The following BABAM2 variants were observed in gnomAD, a reference collection of about 807,000 sequenced individuals.
BABAM2 encodes the protein BRISC and BRCA1-A complex member 2.
BABAM2 carries 31 observed loss-of-function variants against 54.7 expected under a neutral mutation model. That is an observed-to-expected ratio of 0.57 (90% CI 0.43 to 0.77). BABAM2 has a LOEUF of 0.77. Among genes scored for constraint, BABAM2 ranks in the 30% least tolerant of loss-of-function variants. The pLI is 0.00. For missense variants in BABAM2, 364 were observed against 455.8 expected (o/e 0.80, Z 1.83); for synonymous variants, 167 against 162.9 (o/e 1.03, Z -0.19).
rs146463877 is a variant in BABAM2, at chr2:28,020,015, A to G, written c.301-5211A>G. 3.6e-3 allele frequency among the ~76,000 whole-genome samples: 541 copies of G among 152,332 alleles called. 3 individuals are homozygous for G. The highest frequency in any genetic ancestry group is 0.012 in the African/African-American group (515 of 41,586). ...AAGAGTTTTGGCTAAGGAAAGCACA[A>G]TAAACTGCTTCAACTGTGACCACTA... is the stretch of plus-strand genomic sequence containing the variant. On this transcript the variant is annotated intron_variant, in intron 4 of 11. Transcript: ENST00000379624.
intron 5 of BABAM2, among the ~76,000 whole-genome samples, chr2:28,026,999 A>G (rs530065322): frequency 8.5e-6 from 1 of 117,520 alleles, no homozygotes; most frequent in Admixed American, 1.1e-4. Context: ...AAAATATATA[A>G]ATATATATAT....
chr2:28,280,035 T>C (rs1456195642), intron 10 of BABAM2, among the ~76,000 whole-genome samples: 1 of 151,876 alleles, frequency 6.6e-6, no homozygotes, highest in African/African-American at 2.4e-5. Flanking sequence ...ACGCATTTGG[T>C]CCTAGTCTCA....
intron 7 of BABAM2, among the ~76,000 whole-genome samples, chr2:28,185,563 G>A (rs751302820): frequency 2.6e-5 from 4 of 152,114 alleles, no homozygotes; most frequent in Non-Finnish European, 4.4e-5. Context: ...CTTTCACTGA[G>A]ACTTTTATCT....
chr2:28,002,943 A>G (rs1264715686), intron 4 of BABAM2, among the ~76,000 whole-genome samples: 1 of 152,198 alleles, frequency 6.6e-6, no homozygotes, highest in Non-Finnish European at 1.5e-5. Context: ...GAGATGCGGA[A>G]AGGAGTAAAC....
intron 10 of BABAM2, among the ~76,000 whole-genome samples, chr2:28,273,225 T>C (rs1685576861): frequency 6.6e-6 from 1 of 152,224 alleles, no homozygotes; most frequent in African/African-American, 2.4e-5. Context: ...TTTCTCCTTC[T>C]TAACCACTTA....
intron 3 of BABAM2, among the ~76,000 whole-genome samples, chr2:27,969,623 A>G (rs984122665): frequency 6.6e-6 from 1 of 152,162 alleles, no homozygotes; most frequent in Non-Finnish European, 1.5e-5. Context: ...AGATGCAGTT[A>G]CTGGAGCTGG....
intron 2 of BABAM2, among the ~76,000 whole-genome samples, chr2:27,907,399 AT>A (rs956255946): frequency 1.3e-5 from 2 of 151,518 alleles, no homozygotes; most frequent in African/African-American, 4.9e-5. Flanking sequence ...CCTCAGAATG[AT>A]TTTTTTTCAT....
intron 2 of BABAM2, among the ~76,000 whole-genome samples, chr2:27,924,409 G>A (rs1667532960): frequency 6.6e-6 from 1 of 151,258 alleles, no homozygotes. Context: ...TTTTTAGGCA[G>A]AGTCTCGCTC....
chr2:28,270,531 G>A (rs1313207094), intron 10 of BABAM2, among the ~76,000 whole-genome samples: 1 of 152,234 alleles, frequency 6.6e-6, no homozygotes, highest in East Asian at 1.9e-4. Context: ...TGGTCTTTAT[G>A]TTTTGGAGAG....
intron 2 of BABAM2, among the ~76,000 whole-genome samples, chr2:27,915,748 C>A (rs889676165): frequency 5.3e-5 from 8 of 152,152 alleles, no homozygotes; most frequent in Non-Finnish European, 1.2e-4. Context: ...ACTTCAGAAT[C>A]TATTAATTCT....
At chr2:27,899,703 G>T (rs1056226958) in intron 2 of BABAM2, among the ~76,000 whole-genome samples, 1 of 152,072 alleles carries the variant, frequency 6.6e-6, no homozygotes, top group African/African-American at 2.4e-5. Flanking sequence ...CTGACCTCAG[G>T]TGATCTACCC....
intron 7 of BABAM2, among the ~76,000 whole-genome samples, chr2:28,166,504 G>T (rs1374463145): frequency 6.6e-6 from 1 of 152,192 alleles, no homozygotes; most frequent in African/African-American, 2.4e-5. Context: ...TCACTTTGGT[G>T]TGTGCCCTGG....
In BABAM2 at chr2:28,139,969, A is replaced by G. The variant is rs571296994; in HGVS notation, c.680+10589A>G. On this transcript the variant is annotated intron_variant, in intron 7 of 11. Transcript: ENST00000379624. ...TCTTCTGAAAACACAAATCTGATCTATCATTCTCTTGCTTAAAAACAGAGT... is the reference window on the plus strand; with the variant it reads ...TCTTCTGAAAACACAAATCTGATCTGTCATTCTCTTGCTTAAAAACAGAGT... Among the ~76,000 whole-genome samples the G allele has an allele frequency of 2.6e-5, 4 of 151,932 alleles. No homozygotes were observed. In the East Asian group the frequency reaches 5.9e-4, roughly 22 times the overall value.
intron 3 of BABAM2, among the ~76,000 whole-genome samples, chr2:27,979,299 G>A (rs750534286): frequency 4.6e-5 from 7 of 151,866 alleles, no homozygotes; most frequent in Non-Finnish European, 8.8e-5. Context: ...CTCACAAAGT[G>A]CTGAGATTAC....
At chr2:28,062,265 A>AC (rs1678937326) in intron 6 of BABAM2, among the ~76,000 whole-genome samples, 1 of 151,262 alleles carries the variant, frequency 6.6e-6, no homozygotes, top group Non-Finnish European at 1.5e-5. Context: ...CTCAAAAAAA[A>AC]AAAAAAAACA....
intron 6 of BABAM2, among the ~76,000 whole-genome samples, chr2:28,076,076 C>A (rs531028704): frequency 6.6e-6 from 1 of 151,930 alleles, no homozygotes; most frequent in African/African-American, 2.4e-5. Flanking sequence ...GCAGCCTGTG[C>A]AACATAAGGA....
chr2:28,045,830 A>G (rs1677514535), intron 6 of BABAM2, 31 bp downstream of exon 6: 6 of 1,511,814 alleles, frequency 4.0e-6, no homozygotes, highest in Non-Finnish European at 5.5e-6. Context: ...GTATGAGAAT[A>G]TAAGTGAGCT....
intron 3 of BABAM2, among the ~76,000 whole-genome samples, chr2:27,969,124 A>T (rs778561747): frequency 1.3e-5 from 2 of 151,946 alleles, no homozygotes; most frequent in Non-Finnish European, 2.9e-5. Flanking sequence ...TATAAGGGGG[A>T]GTTTCCCTGC....
At chr2:27,980,434 C>T (rs913840710) in intron 3 of BABAM2, among the ~76,000 whole-genome samples, 1 of 152,246 alleles carries the variant, frequency 6.6e-6, no homozygotes, top group East Asian at 1.9e-4. Flanking sequence ...CCCCAGGTGT[C>T]CAGTATGCAC....
Sources: allele counts gnomAD v4.1 joint callset (sites outside exome capture counted in the v4.1 genomes callset), GRCh38; gene constraint gnomAD v4.1.1; transcripts MANE v1.5; gene names NCBI Gene and HGNC (gene_info 2026-07-23, HGNC 2026-07-21).